Variants in CCT4 observed in about 807,000 individuals in gnomAD.
CCT4 encodes the protein chaperonin containing TCP1 subunit 4.
In CCT4, 17 loss-of-function variants were observed where a neutral mutation model predicts 62.5. That is an observed-to-expected ratio of 0.27 (90% CI 0.19 to 0.41). CCT4 has a LOEUF of 0.41. Among genes scored for constraint, CCT4 ranks in the 10% least tolerant of loss-of-function variants. The pLI is 1.00. For missense variants in CCT4, 592 were observed against 659.2 expected, an observed-to-expected ratio of 0.90 and a Z score of 1.12; for synonymous variants, 250 against 229.9, an observed-to-expected ratio of 1.09 and a Z score of -0.79.
At chr2:61,888,333 G>A (rs753764368) in intron 1 of CCT4, 48 bp downstream of exon 1, 2 of 1,583,316 alleles carry the variant, frequency 1.3e-6, no homozygotes, top group Non-Finnish European at 1.7e-6. Flanking sequence ...CGATGAGAGC[G>A]CAGAGCACAA....
intron 2 of CCT4, among the ~76,000 whole-genome samples, chr2:61,883,809 CACACACAA>C (rs1558508334): frequency 4.9e-5 from 7 of 142,106 alleles, no homozygotes; most frequent in Admixed American, 6.9e-5. Context: ...CACACACACA[CACACACAA>C]AAGGAAAAAT....
chr2:61,869,282 G>A (rs555658943), intron 13 of CCT4, among the ~76,000 whole-genome samples, 158 bp downstream of exon 13: 9 of 152,190 alleles, frequency 5.9e-5, no homozygotes, highest in African/African-American at 2.2e-4. Context: ...GTTGCAGTGA[G>A]CCGAGACTGT....
At chr2:61,877,857 G>A (rs1173435632) in intron 5 of CCT4, among the ~76,000 whole-genome samples, 2 of 152,138 alleles carry the variant, frequency 1.3e-5, no homozygotes, top group African/African-American at 4.8e-5. Flanking sequence ...TCAATGTTAT[G>A]TATGTACATT....
At chr2:61,882,793 G>A (rs1669147797) in intron 3 of CCT4, among the ~76,000 whole-genome samples, 1 of 150,688 alleles carries the variant, frequency 6.6e-6, no homozygotes. Context: ...TTACAGGTGT[G>A]AGCCACTGTG....
At chr2:61,881,493 C>T (rs1015584333) in intron 3 of CCT4, among the ~76,000 whole-genome samples, 2 of 152,082 alleles carry the variant, frequency 1.3e-5, no homozygotes, top group Non-Finnish European at 2.9e-5. Flanking sequence ...TTTTTAATCT[C>T]CTTATTCCTC....
intron 3 of CCT4, among the ~76,000 whole-genome samples, chr2:61,882,441 C>A (rs1156467433): frequency 1.3e-5 from 2 of 151,986 alleles, no homozygotes; most frequent in Non-Finnish European, 2.9e-5. Flanking sequence ...ATGCACCATA[C>A]CCTAATAAGA....
In CCT4 at chr2:61,873,032, G is replaced by C; in HGVS notation, c.1095C>G (p.Val365=). 6.2e-7 allele frequency: 1 copy of C among 1,609,956 alleles called. No individual in the cohort carries two copies. Among genetic ancestry groups the C allele is most frequent in the Non-Finnish European group, 8.5e-7 (1 of 1,176,214 alleles). The change falls in exon 10 of 14, where the codon GTC becomes GTG. Residue 365 remains valine, a synonymous_variant. Transcript: ENST00000394440. The part of the protein sequence containing the change: ...MLGSAELAEE[V]NLNGSGKLLK... Reference sequence around the variant, plus strand: ...GCAGTTTGCCAGAACCATTTAAATTGACCTCCTCAGCTAACTCAGCAGAAC... The same window carrying C: ...GCAGTTTGCCAGAACCATTTAAATTCACCTCCTCAGCTAACTCAGCAGAAC...
intron 5 of CCT4, among the ~76,000 whole-genome samples, chr2:61,878,217 G>C (rs994383792): frequency 1.3e-5 from 2 of 152,224 alleles, no homozygotes; most frequent in African/African-American, 4.8e-5. Context: ...AGGATTAGGG[G>C]AAGGAAGGGA....
chr2:61,881,077 G>C (rs564492067), intron 3 of CCT4, among the ~76,000 whole-genome samples: 6 of 151,986 alleles, frequency 3.9e-5, no homozygotes, highest in Admixed American at 3.9e-4. Context: ...TAGACCCCTT[G>C]TAAGTATAAC....
chr2:61,877,818 T>G (rs1029549690), intron 5 of CCT4, among the ~76,000 whole-genome samples: 13 of 152,218 alleles, frequency 8.5e-5, no homozygotes, highest in African/African-American at 2.7e-4. Context: ...GTGAGTATTT[T>G]CTATCTAAAA....
At chr2:61,882,568 T>G (rs371305559) in intron 3 of CCT4, among the ~76,000 whole-genome samples, 2 of 151,808 alleles carry the variant, frequency 1.3e-5, no homozygotes, top group Non-Finnish European at 2.9e-5. Context: ...CAGGCTGGAG[T>G]GCAGTGGCGC....
chr2:61,877,033 C>A lies in CCT4; in HGVS notation c.664G>T (p.Glu222Ter). The A allele has an allele frequency of 6.2e-7, 1 of 1,613,616 alleles. No individual in the cohort carries two copies. The highest frequency in any genetic ancestry group is 8.5e-7 in the Non-Finnish European group (1 of 1,179,688). The change falls in exon 7 of 14, where the codon GAG (glutamate) becomes TAG (stop). Residue 222 changes from glutamate to a stop codon, truncating the protein, a stop_gained. Coordinates refer to ENST00000394440, the MANE Select transcript of CCT4 (RefSeq NM_006430.4). LOFTEE classifies it high-confidence loss of function. ...KKLGGTIDDC[E>*]LVEGLVLTQK... ...GTGAGAACCAGCCCTTCCACCAACT[C>A]ACAGTCATCAATTGTCCCACTAAGG...
chr2:61,877,222 G>A (rs961681605), intron 6 of CCT4, among the ~76,000 whole-genome samples, 170 bp from the exon 7 acceptor site: 1 of 152,064 alleles, frequency 6.6e-6, no homozygotes, highest in African/African-American at 2.4e-5. Context: ...ACTATCATAA[G>A]GTAACATAAA....
rs370544712 is a variant in CCT4 at position 61,873,057 on chromosome 2, C to G, written c.1070G>C (p.Gly357Ala). 1.3e-5 allele frequency: 21 copies of G among 1,613,520 alleles called. No individual in the cohort carries two copies. The African/African-American group carries it at 2.4e-4, about 18-fold the overall frequency. Residue 357 changes from glycine (G) to alanine (A), a missense_variant, in exon 10 of 14, where the codon GGT (glycine) becomes GCT (alanine). Gly to Ala is a moderately conservative substitution (Grantham distance 60). Transcript: ENST00000394440. ...HIDQFTADMLGSAELAEEVNL... is the reference protein window; with the variant it reads ...HIDQFTADMLASAELAEEVNL... The stretch of plus-strand genomic sequence containing the variant: ...GACCTCCTCAGCTAACTCAGCAGAA[C>G]CCAGCATGTCAGCAGTAAATTGGTC...
chr2:61,888,401 C>T lies in CCT4; in HGVS notation c.107G>A (p.Ser36Asn). ...DRDKPAQIRF[S>N]NISAAKAVAD... is the part of the protein sequence containing the mutation. ...GATACCTTTGGCGGCGGAAATGTTG[C>T]TGAAGCGGATCTGGGCTGGCTTGTC... The change falls in exon 1 of 14, where the codon AGC becomes AAC. Residue 36 changes from serine to asparagine, a missense_variant. Physicochemically the swap from Ser to Asn is conservative, Grantham distance 46. Around this residue, in one of 3 missense-constraint regions of CCT4, gnomAD observed 67 missense variants for 71.1 expected, o/e 0.94. Coordinates refer to ENST00000394440, the MANE Select transcript of CCT4 (RefSeq NM_006430.4). The T allele has an allele frequency of 2.5e-6, 4 of 1,613,224 alleles. No individual in the cohort carries two copies. Among genetic ancestry groups the T allele is most frequent in the Non-Finnish European group, 3.4e-6 (4 of 1,179,658 alleles).
rs1250764140 is a variant in CCT4 at position 61,879,015 on chromosome 2, T to G, written c.380-4A>C. 1 of 1,589,080 alleles carries G rather than the reference T, an allele frequency of 6.3e-7. No individual in the cohort carries two copies. On this transcript the variant is annotated splice_region_variant and splice_polypyrimidine_tract_variant and intron_variant, in intron 4 of 13. Coordinates refer to ENST00000394440, the MANE Select transcript of CCT4 (RefSeq NM_006430.4). ...GAAATGATGGTTGGATGAATCCCTGTAATTTGTGAAAGTCTAGTTATTTAA... is the reference window on the plus strand; with the variant it reads ...GAAATGATGGTTGGATGAATCCCTGGAATTTGTGAAAGTCTAGTTATTTAA...
intron 3 of CCT4, among the ~76,000 whole-genome samples, chr2:61,881,751 A>G (rs1376505175): frequency 6.6e-6 from 1 of 152,074 alleles, no homozygotes; most frequent in Non-Finnish European, 1.5e-5. Context: ...TTCATAAACA[A>G]TTTTTAATGG....
intron 2 of CCT4, 112 bp downstream of exon 2, chr2:61,884,908 G>C: frequency 1.1e-6 from 1 of 877,046 alleles, no homozygotes; most frequent in South Asian, 1.6e-5. Flanking sequence ...TTATAGGTGT[G>C]AGCCACCACG....
At chr2:61,887,077 A>C (rs1669271674) in intron 1 of CCT4, among the ~76,000 whole-genome samples, 1 of 152,054 alleles carries the variant, frequency 6.6e-6, no homozygotes, top group Non-Finnish European at 1.5e-5. Flanking sequence ...ATCTTTCAAC[A>C]TTCTGTTCCT....
Sources: allele counts gnomAD v4.1 joint callset (sites outside exome capture counted in the v4.1 genomes callset), GRCh38; gene constraint gnomAD v4.1.1; regional missense constraint gnomAD v4.1.1; transcripts MANE v1.5; gene names NCBI Gene and HGNC (gene_info 2026-07-23, HGNC 2026-07-21).